Variants in CMIP observed in about 807,000 individuals in gnomAD.
The protein encoded by CMIP is C-Maf-inducing protein.
CMIP carries 13 observed loss-of-function variants against 97.3 expected under a neutral mutation model. The observed-to-expected ratio is 0.13, with a 90% CI of 0.09 to 0.21. CMIP has a LOEUF of 0.21. Among genes scored for constraint, CMIP ranks in the 10% least tolerant of loss-of-function variants. The probability of loss-of-function intolerance (pLI) is 1.00; values close to 1 mark genes in which losing one functional copy is unlikely to be tolerated. For missense variants in CMIP, 847 were observed against 1,024.9 expected, an observed-to-expected ratio of 0.83 and a Z score of 2.37; for synonymous variants, 538 against 436.3, an observed-to-expected ratio of 1.23 and a Z score of -2.91.
Position 81,701,820 on chromosome 16 carries a change from G to C in CMIP, c.1896+20G>C. ...GAGCTGGTGAGTCCCCGGCTGCTCC[G>C]GACCACTCCCCTGCCCAGCAGGCCA... On this transcript the variant is annotated intron_variant, in intron 16 of 20. Coordinates refer to ENST00000537098, the MANE Select transcript of CMIP (RefSeq NM_198390.3). 6.2e-7 allele frequency: 1 copy of C among 1,612,606 alleles called. No homozygotes were observed. Among genetic ancestry groups the C allele is most frequent in the Non-Finnish European group, 8.5e-7 (1 of 1,179,774 alleles).
At chr16:81,705,122 C>G (rs1323102735) in intron 18 of CMIP, among the ~76,000 whole-genome samples, 2 of 152,166 alleles carry the variant, frequency 1.3e-5, no homozygotes, top group African/African-American at 4.8e-5. Context: ...AGAGGAGAAA[C>G]TGGGGACAGT....
chr16:81,612,078 C>T (rs1397368643), intron 2 of CMIP, among the ~76,000 whole-genome samples: 5 of 152,202 alleles, frequency 3.3e-5, no homozygotes, highest in African/African-American at 1.2e-4. Flanking sequence ...GCTAGCATTT[C>T]ATTGTGGGGA....
At chr16:81,488,599 T>C (rs1242471759) in intron 1 of CMIP, among the ~76,000 whole-genome samples, 1 of 152,164 alleles carries the variant, frequency 6.6e-6, no homozygotes, top group Non-Finnish European at 1.5e-5. Flanking sequence ...ACATGCCTGT[T>C]CCTTCCCCCA....
chr16:81,513,286 C>T (rs1382485646), intron 1 of CMIP, among the ~76,000 whole-genome samples: 4 of 152,244 alleles, frequency 2.6e-5, no homozygotes, highest in African/African-American at 7.2e-5. Flanking sequence ...GCAGGCTATT[C>T]AGAGGAGCCG....
At chr16:81,532,666 C>G (rs1165978301) in intron 1 of CMIP, among the ~76,000 whole-genome samples, 3 of 152,158 alleles carry the variant, frequency 2.0e-5, no homozygotes, top group African/African-American at 7.2e-5. Flanking sequence ...GAAGAGCTGT[C>G]ACCTGGGCCT....
At chr16:81,686,835 G>A (rs1042349856) in intron 10 of CMIP, among the ~76,000 whole-genome samples, 21 of 152,168 alleles carry the variant, frequency 1.4e-4, no homozygotes, top group African/African-American at 4.8e-4. Flanking sequence ...CACACAGCAC[G>A]CAAACCGATA....
At chr16:81,696,858 C>T in intron 14 of CMIP, 191 bp downstream of exon 14, 2 of 612,514 alleles carry the variant, frequency 3.3e-6, no homozygotes, top group Non-Finnish European at 5.7e-6. Context: ...CATTTCTTAT[C>T]TGAGGCTCCA....
rs144917389 is a variant in CMIP, at chr16:81,638,621, T to C, written c.478-13582T>C. On this transcript the variant is annotated intron_variant, in intron 3 of 20. Coordinates refer to ENST00000537098, the MANE Select transcript of CMIP (RefSeq NM_198390.3). ...TCCTCTCCCCCCTCTCCCTTCTCCT[T>C]GGAGAAGAACCCGGCAGCTTCTGCC... Among the ~76,000 whole-genome samples the C allele has an allele frequency of 7.3e-3, 1,115 of 152,162 alleles. 13 individuals are homozygous for C. Among genetic ancestry groups the C allele is most frequent in the African/African-American group, 0.026 (1,059 of 41,524 alleles).
At position 81,500,256 on chromosome 16, in the gene CMIP, G is replaced by GTCCTTCCTTCCT. The variant is rs879827008; in HGVS notation, c.300+54719_300+54730dup. Among the ~76,000 whole-genome samples the GTCCTTCCTTCCT allele has an allele frequency of 3.6e-5, 4 of 109,610 alleles. No individual in the cohort carries two copies. The East Asian group carries it at 1.5e-3, about 42-fold the overall frequency. The allele number at this position is 109,610 out of a possible 152,430, so 71.9% of individuals were successfully genotyped here. ...TATCAAAATTTCCTTCCTTCCTTCC[G>GTCCTTCCTTCCT]TCCTTCCTTCCTTCCGTCCTTCCTT... On this transcript the variant is annotated intron_variant, in intron 1 of 20. Transcript: ENST00000537098.
chr16:81,532,417 C>G (rs2090256039), intron 1 of CMIP, among the ~76,000 whole-genome samples: 1 of 152,288 alleles, frequency 6.6e-6, no homozygotes, highest in East Asian at 1.9e-4. Flanking sequence ...CCTGAATGAC[C>G]TTTCCTGCCA....
chr16:81,586,324 G>A (rs1017701834), intron 1 of CMIP, among the ~76,000 whole-genome samples: 9 of 152,136 alleles, frequency 5.9e-5, no homozygotes. Flanking sequence ...ATCTCTTCTT[G>A]CATTGGAGGT....
intron 1 of CMIP, among the ~76,000 whole-genome samples, chr16:81,454,447 A>G (rs1423594666): frequency 2.0e-5 from 3 of 152,236 alleles, no homozygotes; most frequent in Admixed American, 6.5e-5. Flanking sequence ...CATCTTAGGT[A>G]GAAATAAGTG....
chr16:81,588,407 T>G (rs936137125), intron 1 of CMIP, among the ~76,000 whole-genome samples: 1 of 152,240 alleles, frequency 6.6e-6, no homozygotes, highest in Non-Finnish European at 1.5e-5. Context: ...AAGTTTTCTC[T>G]TTAAATCTGG....
intron 1 of CMIP, among the ~76,000 whole-genome samples, chr16:81,544,377 A>T (rs1046763813): frequency 2.0e-5 from 3 of 152,162 alleles, no homozygotes; most frequent in Non-Finnish European, 4.4e-5. Flanking sequence ...ACGTGAGGGC[A>T]TTATTTTGAA....
At chr16:81,659,081 A>T (rs2092516515) in intron 5 of CMIP, among the ~76,000 whole-genome samples, 1 of 152,216 alleles carries the variant, frequency 6.6e-6, no homozygotes, top group South Asian at 2.1e-4. Flanking sequence ...CCATGCTTTC[A>T]CCCGGACTGT....
chr16:81,498,101 G>A (rs768313533), intron 1 of CMIP, among the ~76,000 whole-genome samples: 3 of 152,234 alleles, frequency 2.0e-5, no homozygotes, highest in African/African-American at 4.8e-5. Flanking sequence ...GAGGACAGAG[G>A]TCAGACCCAG....
At chr16:81,560,902 T>C (rs911149566) in intron 1 of CMIP, among the ~76,000 whole-genome samples, 5 of 152,192 alleles carry the variant, frequency 3.3e-5, no homozygotes, top group Non-Finnish European at 5.9e-5. Context: ...GTTCACACAA[T>C]GGCATAATCG....
chr16:81,488,204 A>C (rs2089349652), intron 1 of CMIP, among the ~76,000 whole-genome samples: 1 of 152,128 alleles, frequency 6.6e-6, no homozygotes, highest in African/African-American at 2.4e-5. Flanking sequence ...ACCGTAGCAC[A>C]CCGAAGCTGA....
chr16:81,520,419 T>G (rs2089997215), intron 1 of CMIP: 2 of 152,326 alleles, frequency 1.3e-5, no homozygotes, highest in South Asian at 4.2e-4. Context: ...TATTAAAAAT[T>G]GGCGGGTGCA....
Sources: allele counts gnomAD v4.1 joint callset (sites outside exome capture counted in the v4.1 genomes callset), GRCh38; gene constraint gnomAD v4.1.1; transcripts MANE v1.5; gene names NCBI Gene and HGNC (gene_info 2026-07-23, HGNC 2026-07-21).